Variants in ZNF721 observed in about 807,000 individuals in gnomAD.
The protein encoded by ZNF721 is zinc finger protein 721.
ZNF721 carries 2 observed loss-of-function variants against 2.4 expected under a neutral mutation model. The observed-to-expected ratio is 0.82, with a 90% CI of 0.34 to 2.58. The LOEUF (loss-of-function observed/expected upper bound fraction) is 2.58, where lower values mean the gene tolerates loss of function less well. Among genes scored for constraint, ZNF721 ranks in the 30% most tolerant of loss-of-function variants. The probability of loss-of-function intolerance (pLI) is 0.11; values close to 1 mark genes in which losing one functional copy is unlikely to be tolerated. For missense variants in ZNF721, 1,187 were observed against 1,085.5 expected, an observed-to-expected ratio of 1.09 and a Z score of -1.31; for synonymous variants, 398 against 381.8, an observed-to-expected ratio of 1.04 and a Z score of -0.50.
At chr4:480,625 G>C (rs1553869288) in intron 1 of ZNF721, among the ~76,000 whole-genome samples, 4 of 152,084 alleles carry the variant, frequency 2.6e-5, no homozygotes, top group Non-Finnish European at 5.9e-5. Context: ...ACTTGAGATA[G>C]CTCGTATAAA....
chr4:447,537 G>GT (rs373777852), intron 2 of ZNF721, among the ~76,000 whole-genome samples: 153 of 152,096 alleles, frequency 1.0e-3, no homozygotes, highest in Middle Eastern at 3.4e-3. Flanking sequence ...AATAAAACGT[G>GT]TAAGTCTATT....
chr4:447,043 A>C (rs1412341886), intron 2 of ZNF721, among the ~76,000 whole-genome samples: 1 of 152,160 alleles, frequency 6.6e-6, no homozygotes, highest in Non-Finnish European at 1.5e-5. Flanking sequence ...ATTATTTTGC[A>C]GGGCACAGTG....
chr4:474,048 G>C, intron 1 of ZNF721: 1 of 1,478,674 alleles, frequency 6.8e-7, no homozygotes, highest in South Asian at 1.1e-5. Context: ...AGGTTACAGA[G>C]CGATGGAGGC....
chr4:455,038 T>C (rs1398493224), intron 2 of ZNF721, among the ~76,000 whole-genome samples: 1 of 152,190 alleles, frequency 6.6e-6, no homozygotes, highest in African/African-American at 2.4e-5. Context: ...TGGTGGACTC[T>C]AGAGCCCAGG....
intron 2 of ZNF721, among the ~76,000 whole-genome samples, chr4:454,641 TC>T (rs1714789144): frequency 6.6e-6 from 1 of 152,188 alleles, no homozygotes; most frequent in African/African-American, 2.4e-5. Flanking sequence ...AACTATGCCT[TC>T]CCCATGTATC....
intron 1 of ZNF721, among the ~76,000 whole-genome samples, chr4:495,090 G>A (rs1453681633): frequency 1.3e-5 from 2 of 151,844 alleles, no homozygotes; most frequent in Non-Finnish European, 2.9e-5. Flanking sequence ...CACTGTGTTA[G>A]CCAAGATGGT....
At chr4:498,702 G>T (rs926958231) in intron 1 of ZNF721, among the ~76,000 whole-genome samples, 3 of 150,764 alleles carry the variant, frequency 2.0e-5, no homozygotes, top group African/African-American at 7.3e-5. Context: ...TTTACCAGTT[G>T]TCTGAGGTAT....
rs558213727 is a variant in ZNF721, at chr4:494,085, CAATT to C, written c.-94+4967_-94+4970del. ...TAAGTGCTTTTATTTTTCTTTAAGC[CAATT>C]AATTAGAGTTCTTTTATATATTTTC... is the stretch of plus-strand genomic sequence containing the variant. On this transcript the variant is annotated intron_variant, in intron 1 of 2. Transcript: ENST00000511833. Among the ~76,000 whole-genome samples, 1,146 of 151,658 alleles carry C rather than the reference CAATT, an allele frequency of 7.6e-3. 4 individuals are homozygous for C. Among genetic ancestry groups the C allele is most frequent in the Middle Eastern group, 0.034 (10 of 294 alleles).
rs782025127 is a variant in ZNF721, at chr4:449,938, C to T, written c.35-5506G>A. Among the ~76,000 whole-genome samples the T allele has an allele frequency of 3.9e-5, 6 of 151,956 alleles. No individual in the cohort carries two copies. The South Asian group carries it at 6.2e-4, about 16-fold the overall frequency. ...GAATAGAAAAGGAAACACATACAGTCGGTAAAATTGTAAGTTAGTAGAGCC... is the reference window on the plus strand; with the variant it reads ...GAATAGAAAAGGAAACACATACAGTTGGTAAAATTGTAAGTTAGTAGAGCC... On this transcript the variant is annotated intron_variant, in intron 2 of 2. Coordinates refer to ENST00000511833, the MANE Select transcript of ZNF721 (RefSeq NM_133474.4).
chr4:449,174 G>A (rs1460013486), intron 2 of ZNF721, among the ~76,000 whole-genome samples: 2 of 152,030 alleles, frequency 1.3e-5, no homozygotes, highest in Non-Finnish European at 2.9e-5. Flanking sequence ...ATATGACTAA[G>A]CTGAATATTT....
At chr4:467,640 A>G (rs1323334019) in intron 2 of ZNF721, among the ~76,000 whole-genome samples, 2 of 152,194 alleles carry the variant, frequency 1.3e-5, no homozygotes, top group African/African-American at 2.4e-5. Flanking sequence ...GCAGTTCTCA[A>G]TCTCAGCTGT....
intron 1 of ZNF721, among the ~76,000 whole-genome samples, chr4:484,503 A>G (rs189263438): frequency 6.6e-6 from 1 of 152,352 alleles, no homozygotes; most frequent in African/African-American, 2.4e-5. Flanking sequence ...AATATCGCTG[A>G]ATTCTTTATC....
intron 2 of ZNF721, among the ~76,000 whole-genome samples, chr4:451,169 CGTCTCTGTGGAGAAAAA>C (rs1213035356): frequency 1.3e-5 from 2 of 151,686 alleles, no homozygotes; most frequent in African/African-American, 4.8e-5. Context: ...TATTCTGACA[CGTCTCTGTGGAGAAAAA>C]GTTAAATATT....
intron 1 of ZNF721, among the ~76,000 whole-genome samples, chr4:478,246 C>T (rs913658031): frequency 1.3e-5 from 2 of 152,174 alleles, no homozygotes; most frequent in African/African-American, 4.8e-5. Flanking sequence ...TGTTCCTCCT[C>T]CCTCAGCTCT....
intron 1 of ZNF721, among the ~76,000 whole-genome samples, chr4:474,699 A>C (rs1226809691): frequency 1.3e-5 from 2 of 151,604 alleles, no homozygotes; most frequent in Non-Finnish European, 2.9e-5. Flanking sequence ...AGATGGTGAA[A>C]CCCCGTCTCT....
At position 443,897 on chromosome 4, in the gene ZNF721, C is replaced by A; in HGVS notation, c.570G>T (p.Glu190Asp). The change falls in exon 3 of 3, where the codon GAG becomes GAT. Residue 190 changes from glutamate (E) to aspartate (D), a missense_variant. By Grantham distance (45) the Glu-to-Asp change is conservative. Coordinates refer to ENST00000511833, the MANE Select transcript of ZNF721 (RefSeq NM_133474.4). The stretch of plus-strand genomic sequence containing the variant: ...CACGATCTTCACCTGTGTAAGCTTT[C>A]TCTCTGTTGTGAATTCTCTTATGTG... ...LTAHKRIHNR[E>D]KAYTGEDRDR... The A allele has an allele frequency of 6.2e-7, 1 of 1,614,058 alleles. No individual in the cohort carries two copies.
At chr4:448,234 T>C (rs1714538890) in intron 2 of ZNF721, among the ~76,000 whole-genome samples, 2 of 151,862 alleles carry the variant, frequency 1.3e-5, no homozygotes, top group Admixed American at 6.6e-5. Flanking sequence ...GGTATGAATG[T>C]AGAATAAAAG....
intron 1 of ZNF721, among the ~76,000 whole-genome samples, chr4:494,421 C>T (rs1430051335): frequency 2.0e-5 from 3 of 151,992 alleles, no homozygotes; most frequent in Middle Eastern, 3.2e-3. Context: ...CTCCCGACCT[C>T]GTGATCCACC....
chr4:496,928 G>A (rs1159624868), intron 1 of ZNF721, among the ~76,000 whole-genome samples: 1 of 151,512 alleles, frequency 6.6e-6, no homozygotes, highest in African/African-American at 2.4e-5. Flanking sequence ...TAGCCAGGAT[G>A]GTCTCGATCT....
Sources: allele counts gnomAD v4.1 joint callset (sites outside exome capture counted in the v4.1 genomes callset), GRCh38; gene constraint gnomAD v4.1.1; transcripts MANE v1.5; gene names NCBI Gene and HGNC (gene_info 2026-07-23, HGNC 2026-07-21).